The following TENM3 variants were observed in gnomAD, a reference collection of about 807,000 sequenced individuals.
TENM3 encodes the protein teneurin transmembrane protein 3.
TENM3 carries 63 observed loss-of-function variants against 255.1 expected under a neutral mutation model. That is an observed-to-expected ratio of 0.25 (90% CI 0.20 to 0.30). TENM3 has a LOEUF of 0.30. Among genes scored for constraint, TENM3 ranks in the 10% least tolerant of loss-of-function variants. TENM3 has a pLI of 1.00. For synonymous variants in TENM3, 1,306 were observed against 1,322.3 expected (o/e 0.99, Z 0.27); for missense variants, 2,929 against 3,461.1 (o/e 0.85, Z 3.86).
the TENM3 span, among the ~76,000 whole-genome samples, chr4:181,646,495 A>G: frequency 6.6e-6 from 1 of 152,172 alleles, no homozygotes; most frequent in East Asian, 1.9e-4. Flanking sequence ...TGGGGCAAGG[A>G]GCATTCTTCT....
At chr4:181,906,099 G>T in the TENM3 span, 2 of 317,942 alleles carry the variant, frequency 6.3e-6, no homozygotes, top group East Asian at 9.2e-5. Flanking sequence ...AGTCCTGAAG[G>T]CACTGGATAA....
At chr4:181,941,587 G>A in the TENM3 span, among the ~76,000 whole-genome samples, 1 of 152,122 alleles carries the variant, frequency 6.6e-6, no homozygotes, top group Non-Finnish European at 1.5e-5. Context: ...TTTAACTGAA[G>A]TTATTTTCTC....
chr4:182,300,923 T>TA (rs1485073032), intron 1 of TENM3, among the ~76,000 whole-genome samples: 1 of 152,264 alleles, frequency 6.6e-6, no homozygotes, highest in African/African-American at 2.4e-5. Context: ...CTTTGACCTC[T>TA]CTTAGCCTGG....
At chr4:182,067,942 G>C in the TENM3 span, among the ~76,000 whole-genome samples, 1 of 152,010 alleles carries the variant, frequency 6.6e-6, no homozygotes, top group South Asian at 2.1e-4. Context: ...TGTTTGCATT[G>C]CATTAGTGGA....
chr4:182,727,322 G>A (rs1760282581), intron 13 of TENM3, among the ~76,000 whole-genome samples: 1 of 152,052 alleles, frequency 6.6e-6, no homozygotes, highest in Non-Finnish European at 1.5e-5. Context: ...CAGGCATGGT[G>A]GCAGGTGCCT....
At chr4:181,685,912 T>C in the TENM3 span, among the ~76,000 whole-genome samples, 2 of 152,216 alleles carry the variant, frequency 1.3e-5, no homozygotes, top group Non-Finnish European at 2.9e-5. Flanking sequence ...CGTTTAATTG[T>C]AACTTTTCAA....
At chr4:182,142,419 AT>A (rs1295546281), upstream of TENM3, 2 of 166,994 alleles carry the variant, frequency 1.2e-5, no homozygotes, top group Non-Finnish European at 2.9e-5. Context: ...GAGTTTAGGG[AT>A]TCTCCTCACT....
chr4:181,746,150 G>A, the TENM3 span, among the ~76,000 whole-genome samples: 1 of 152,106 alleles, frequency 6.6e-6, no homozygotes, highest in African/African-American at 2.4e-5. Context: ...GGAAGGAGCT[G>A]GAACTGAACA....
At chr4:182,717,363 A>T (rs990548059) in intron 13 of TENM3, among the ~76,000 whole-genome samples, 1 of 152,162 alleles carries the variant, frequency 6.6e-6, no homozygotes, top group African/African-American at 2.4e-5. Flanking sequence ...CACCCTTTTA[A>T]CACCTGTGCT....
intron 1 of TENM3, among the ~76,000 whole-genome samples, chr4:182,300,946 A>G (rs1455952116): frequency 6.6e-6 from 1 of 152,224 alleles, no homozygotes; most frequent in African/African-American, 2.4e-5. Flanking sequence ...TTTCCAGCCT[A>G]TGATTTATTT....
At chr4:182,788,285 T>C (rs911189804) in intron 24 of TENM3, among the ~76,000 whole-genome samples, 1 of 152,174 alleles carries the variant, frequency 6.6e-6, no homozygotes, top group African/African-American at 2.4e-5. Flanking sequence ...TGGAGACTAT[T>C]GGTAAAGCAG....
the TENM3 span, among the ~76,000 whole-genome samples, chr4:181,611,670 G>C: frequency 5.6e-3 from 849 of 152,274 alleles, 6 homozygotes; most frequent in Non-Finnish European, 8.1e-3. Flanking sequence ...CTTAATGTGA[G>C]GCATTTGACA....
At chr4:181,680,608 CAGTT>C in the TENM3 span, among the ~76,000 whole-genome samples, 8 of 152,038 alleles carry the variant, frequency 5.3e-5, no homozygotes, top group Non-Finnish European at 8.8e-5. Flanking sequence ...TTCAAATAAT[CAGTT>C]AGGGAATTAT....
chr4:181,943,146 C>A, the TENM3 span, among the ~76,000 whole-genome samples: 1 of 152,056 alleles, frequency 6.6e-6, no homozygotes, highest in African/African-American at 2.4e-5. Context: ...GCTTTTCTAC[C>A]TCCTGAAAGT....
At chr4:181,655,919 AG>A in the TENM3 span, among the ~76,000 whole-genome samples, 1 of 152,164 alleles carries the variant, frequency 6.6e-6, no homozygotes, top group African/African-American at 2.4e-5. Flanking sequence ...CACAAAACAA[AG>A]GGTTTAAATA....
chr4:181,467,264 G>A, the TENM3 span, among the ~76,000 whole-genome samples: 1 of 149,150 alleles, frequency 6.7e-6, no homozygotes, highest in Non-Finnish European at 1.5e-5. Flanking sequence ...CCAGGTGGTA[G>A]CCGGGATTAC....
At chr4:181,464,003 CA>C in the TENM3 span, among the ~76,000 whole-genome samples, 1 of 152,172 alleles carries the variant, frequency 6.6e-6, no homozygotes, top group East Asian at 1.9e-4. Flanking sequence ...TATTGGCAAA[CA>C]ATACTCCACT....
chr4:182,489,173 T>C (rs1423026749), intron 3 of TENM3, among the ~76,000 whole-genome samples: 1 of 152,132 alleles, frequency 6.6e-6, no homozygotes, highest in Non-Finnish European at 1.5e-5. Flanking sequence ...GTAAACATAT[T>C]CACTTTTGGA....
intron 1 of TENM3, among the ~76,000 whole-genome samples, chr4:182,249,492 C>T (rs1272749824): frequency 1.3e-5 from 2 of 152,194 alleles, no homozygotes; most frequent in Non-Finnish European, 2.9e-5. Context: ...TCTGCTCTCA[C>T]AGCAGGAAAA....
Sources: gnomAD v4.1 joint callset for allele counts (sites outside exome capture counted in the v4.1 genomes callset) on GRCh38, gnomAD v4.1.1 for gene constraint, MANE v1.5 for transcripts, NCBI Gene and HGNC (gene_info 2026-07-23, HGNC 2026-07-21) for gene names.